GALNT17: variants seen among roughly 807,000 people sequenced by gnomAD.
GALNT17 encodes UDP-GalNAc:polypeptide N-acetylgalactosaminyltransferase-like 3.
Under a neutral mutation model 63.7 loss-of-function variants are expected in GALNT17, and 29 were observed. That is an observed-to-expected ratio of 0.46 (90% CI 0.34 to 0.62). The LOEUF is 0.62. Among genes scored for constraint, GALNT17 ranks in the 20% least tolerant of loss-of-function variants. The pLI is 0.01. For synonymous variants in GALNT17, 305 were observed against 318.3 expected (o/e 0.96, Z 0.45); for missense variants, 603 against 799.6 (o/e 0.75, Z 2.97).
chr7:71,212,582 C>T (rs1027196723), intron 1 of GALNT17, among the ~76,000 whole-genome samples: 1 of 152,124 alleles, frequency 6.6e-6, no homozygotes, highest in Admixed American at 6.5e-5. Flanking sequence ...CCTGGAAGAG[C>T]CACAGACACT....
At chr7:71,286,404 T>C (rs59972409) in intron 1 of GALNT17, among the ~76,000 whole-genome samples, 54,263 of 152,114 alleles carry the variant, frequency 0.36, 10,032 homozygotes, top group East Asian at 0.5. Flanking sequence ...TAATTACATT[T>C]CCCTTACATC....
chr7:71,336,010 TCTTCTTCCTTCTTCTTTCTTC>T (rs1563012988), intron 2 of GALNT17, among the ~76,000 whole-genome samples: 9 of 28,588 alleles, frequency 3.1e-4, no homozygotes, highest in African/African-American at 2.1e-3. Context: ...TCTTCTTCCT[TCTTCTTCCTTCTTCTTTCTTC>T]CTTTTTTTTT....
intron 3 of GALNT17, among the ~76,000 whole-genome samples, chr7:71,414,378 A>T (rs2116430708): frequency 6.6e-6 from 1 of 152,330 alleles, no homozygotes; most frequent in East Asian, 1.9e-4. Context: ...CATTTATTGA[A>T]TGCATATTGA....
chr7:71,513,226 G>A (rs538708926), intron 5 of GALNT17, among the ~76,000 whole-genome samples: 8 of 152,130 alleles, frequency 5.3e-5, no homozygotes, highest in African/African-American at 1.7e-4. Context: ...TTATTAGTCT[G>A]TGAGAACAGA....
chr7:71,419,391 T>A (rs1441881382), intron 4 of GALNT17, among the ~76,000 whole-genome samples: 1 of 152,350 alleles, frequency 6.6e-6, no homozygotes, highest in East Asian at 1.9e-4. Flanking sequence ...TACGATTATC[T>A]TGGGGGTTGC....
At chr7:71,513,684 C>T (rs1468474019) in intron 5 of GALNT17, among the ~76,000 whole-genome samples, 1 of 151,758 alleles carries the variant, frequency 6.6e-6, no homozygotes, top group African/African-American at 2.4e-5. Flanking sequence ...CTGCTCCCGG[C>T]CCCTTGGCTA....
chr7:71,621,724 G>A lies in GALNT17; in HGVS notation c.1081-43687G>A, dbSNP rs759321686. ...TTTTTTTCTTCTGTTTTTGACAACC[G>A]TGATAAAATTATAACATTCTAGGGT... On this transcript the variant is annotated intron_variant, in intron 6 of 10. Transcript: ENST00000333538. Among the ~76,000 whole-genome samples the A allele has an allele frequency of 8.6e-4, 131 of 152,308 alleles. No homozygotes were observed. In the Middle Eastern group the frequency reaches 0.014, roughly 16 times the overall value.
intron 5 of GALNT17, among the ~76,000 whole-genome samples, chr7:71,434,172 T>G (rs11974397): frequency 0.087 from 13,187 of 152,208 alleles, 1,305 homozygotes; most frequent in African/African-American, 0.24. Flanking sequence ...CAGACAGGTT[T>G]CTTTACTCCT....
At chr7:71,250,215 T>A (rs73190468) in intron 1 of GALNT17, among the ~76,000 whole-genome samples, 10,265 of 152,242 alleles carry the variant, frequency 0.067, 467 homozygotes, top group Non-Finnish European at 0.089. Context: ...AGTACGTTTA[T>A]TTTTTCTGAA....
chr7:71,710,663 A>G lies in GALNT17; in HGVS notation c.1501-98A>G, dbSNP rs1010864794. The G allele has an allele frequency of 2.2e-6, 3 of 1,393,436 alleles. No homozygotes were observed. In the African/African-American group the frequency reaches 4.2e-5, roughly 20 times the overall value. The allele number at this position is 1,393,436 out of a possible 1,614,324, so 86.3% of individuals were successfully genotyped here. ...GTGGCCAGGACTGCAGTATTGACAAACAGCAGGAGTAAAGCCGAGAGACCT... is the reference window on the plus strand; with the variant it reads ...GTGGCCAGGACTGCAGTATTGACAAGCAGCAGGAGTAAAGCCGAGAGACCT... On this transcript the variant is annotated intron_variant, in intron 9 of 10. Transcript: ENST00000333538.
intron 6 of GALNT17, among the ~76,000 whole-genome samples, chr7:71,602,931 A>G (rs751100531): frequency 6.6e-6 from 1 of 152,144 alleles, no homozygotes; most frequent in Non-Finnish European, 1.5e-5. Flanking sequence ...AAGTGCATAT[A>G]CCAGGTACCA....
chr7:71,349,160 C>A (rs904409363), intron 2 of GALNT17, among the ~76,000 whole-genome samples: 1 of 152,186 alleles, frequency 6.6e-6, no homozygotes, highest in African/African-American at 2.4e-5. Flanking sequence ...GTGTGGAGTT[C>A]TTCATTGTTC....
chr7:71,534,139 C>T (rs913436307), intron 5 of GALNT17, among the ~76,000 whole-genome samples: 1 of 152,134 alleles, frequency 6.6e-6, no homozygotes, highest in Non-Finnish European at 1.5e-5. Context: ...ATACTCAAGA[C>T]TGGGTAATTT....
chr7:71,589,395 T>C (rs543415781), intron 6 of GALNT17, among the ~76,000 whole-genome samples: 9 of 151,926 alleles, frequency 5.9e-5, no homozygotes, highest in African/African-American at 1.9e-4. Flanking sequence ...CTGGGCAAAA[T>C]AGGGAGACCC....
intron 5 of GALNT17, among the ~76,000 whole-genome samples, chr7:71,463,723 G>A (rs752502041): frequency 6.6e-6 from 1 of 152,140 alleles, no homozygotes; most frequent in South Asian, 2.1e-4. Context: ...ACCACATAGG[G>A]TAACTTCCGG....
chr7:71,589,122 C>T (rs926577622), intron 6 of GALNT17, among the ~76,000 whole-genome samples: 1 of 152,114 alleles, frequency 6.6e-6, no homozygotes, highest in Non-Finnish European at 1.5e-5. Flanking sequence ...GAGGGGAAAC[C>T]ATAGACTGGT....
chr7:71,198,581 T>C (rs1356020387), intron 1 of GALNT17, among the ~76,000 whole-genome samples: 1 of 152,218 alleles, frequency 6.6e-6, no homozygotes, highest in Non-Finnish European at 1.5e-5. Context: ...TGACACTAGC[T>C]GACGCTAGTT....
chr7:71,504,499 A>G (rs1788233622), intron 5 of GALNT17, among the ~76,000 whole-genome samples: 1 of 151,180 alleles, frequency 6.6e-6, no homozygotes, highest in South Asian at 2.1e-4. Context: ...GCTATTTATC[A>G]CTCTCTTTTG....
At chr7:71,383,310 A>G (rs778416292) in intron 2 of GALNT17, among the ~76,000 whole-genome samples, 3 of 152,236 alleles carry the variant, frequency 2.0e-5, no homozygotes, top group Admixed American at 1.3e-4. Context: ...CTCACATAAA[A>G]TGACATAATA....
Sources: allele counts gnomAD v4.1 joint callset (sites outside exome capture counted in the v4.1 genomes callset), GRCh38; gene constraint gnomAD v4.1.1; transcripts MANE v1.5; gene names NCBI Gene and HGNC (gene_info 2026-07-23, HGNC 2026-07-21).